Variants in PIPOX observed in about 807,000 individuals in gnomAD.
PIPOX encodes pipecolic acid and sarcosine oxidase.
Under a neutral mutation model 47.9 loss-of-function variants are expected in PIPOX, and 45 were observed. The observed-to-expected ratio is 0.94, with a 90% CI of 0.74 to 1.20. The LOEUF (loss-of-function observed/expected upper bound fraction) is 1.20. PIPOX is among the 50% of genes most tolerant of loss of function. The pLI is 0.00. For synonymous variants in PIPOX, 165 were observed against 191.3 expected (o/e 0.86, Z 1.13); for missense variants, 458 against 498.4 (o/e 0.92, Z 0.77).
chr17:29,053,243 C>A (rs1329338045), intron 3 of PIPOX, 110 bp downstream of exon 3: 1 of 1,267,062 alleles, frequency 7.9e-7, no homozygotes, highest in Non-Finnish European at 1.1e-6. Flanking sequence ...GCCCTGCAGG[C>A]TTTAGTCTTG....
rs372777812 is a variant in PIPOX, at chr17:29,055,232, T to C, written c.966+11T>C. ...AGCTGCATGTACACGGTAAGGGGTC[T>C]GGGCAGCCTTGCTGGGCCCCCTCAC... is the stretch of plus-strand genomic sequence containing the variant. On this transcript the variant is annotated intron_variant, in intron 6 of 7. Coordinates refer to ENST00000323372, the MANE Select transcript of PIPOX (RefSeq NM_016518.3). 8.8e-5 allele frequency: 142 copies of C among 1,613,902 alleles called. No homozygotes were observed. Among genetic ancestry groups the C allele is most frequent in the Admixed American group, 3.7e-4 (22 of 59,990 alleles).
chr17:29,052,734 A>T (rs1266342931), intron 2 of PIPOX, among the ~76,000 whole-genome samples, 186 bp from the exon 3 acceptor site: 1 of 152,172 alleles, frequency 6.6e-6, no homozygotes, highest in Non-Finnish European at 1.5e-5. Flanking sequence ...TACTTTTTAA[A>T]AATTTTTTAC....
intron 1 of PIPOX, chr17:29,044,390 C>T (rs535527538): frequency 6.6e-6 from 1 of 152,594 alleles, no homozygotes; most frequent in South Asian, 2.1e-4. Flanking sequence ...AAAAAGGAAG[C>T]CTAAGTTAGT....
chr17:29,051,507 C>A (rs941457266), intron 2 of PIPOX, among the ~76,000 whole-genome samples: 2 of 152,194 alleles, frequency 1.3e-5, no homozygotes, highest in Non-Finnish European at 2.9e-5. Flanking sequence ...GGGGATGTAC[C>A]AGGCCGCTGC....
In PIPOX at chr17:29,053,339, G is replaced by A. The variant is rs1230070018; in HGVS notation, c.478-74G>A. 4.1e-6 allele frequency: 6 copies of A among 1,480,236 alleles called. No individual in the cohort carries two copies. The East Asian group carries it at 1.4e-4, about 34-fold the overall frequency. The allele number at this position is 1,480,236 out of a possible 1,614,324, so 91.7% of individuals were successfully genotyped here. Reference sequence around the variant, plus strand: ...GATTCTGCACTCTTTTCTGCCCCAGGCAAAAGGCTTTCTGTCCACCAGGGT... The same window carrying A: ...GATTCTGCACTCTTTTCTGCCCCAGACAAAAGGCTTTCTGTCCACCAGGGT... On this transcript the variant is annotated intron_variant, in intron 3 of 7. Transcript: ENST00000323372.
chr17:29,053,629 C>G, intron 4 of PIPOX, 34 bp downstream of exon 4: 2 of 1,510,680 alleles, frequency 1.3e-6, no homozygotes, highest in Non-Finnish European at 1.8e-6. Flanking sequence ...AGTTGGTGCT[C>G]AAGAGAAGCC....
At chr17:29,046,231 G>A (rs1205121270) in intron 2 of PIPOX, among the ~76,000 whole-genome samples, 2 of 152,200 alleles carry the variant, frequency 1.3e-5, no homozygotes, top group African/African-American at 2.4e-5. Context: ...TGGGTGGCCC[G>A]GCAGAGGGAC....
intron 2 of PIPOX, among the ~76,000 whole-genome samples, chr17:29,050,569 G>A (rs933719280): frequency 5.9e-5 from 9 of 152,232 alleles, no homozygotes; most frequent in Admixed American, 1.3e-4. Flanking sequence ...GGTGGCTCAC[G>A]CCTGTAGTCT....
Position 29,053,063 on chromosome 17 carries a change from G to A in PIPOX, c.407G>A (p.Arg136Lys). 3 of 1,614,244 alleles carry A rather than the reference G, an allele frequency of 1.9e-6. No individual in the cohort carries two copies. The highest frequency in any genetic ancestry group is 2.5e-6 in the Non-Finnish European group (3 of 1,180,046). ...KQRFPNIRLP[R>K]GEVGLLDNSG... ...CGTTTCCCAAATATTCGGTTGCCCA[G>A]GGGAGAAGTGGGGCTCTTGGACAAT... Residue 136 changes from arginine to lysine, a missense_variant, in exon 3 of 8, where the codon AGG becomes AAG. By Grantham distance (26) the Arg-to-Lys change is conservative. Transcript: ENST00000323372.
intron 6 of PIPOX, 78 bp from the exon 7 acceptor site, chr17:29,055,735 C>A: frequency 1.7e-6 from 2 of 1,195,292 alleles, no homozygotes; most frequent in Non-Finnish European, 2.5e-6. Context: ...TCCAGCCCAT[C>A]CCCTTCCAGT....
Position 29,053,579 on chromosome 17 carries a change from T to C in PIPOX, c.644T>C (p.Ile215Thr), listed in dbSNP as rs2065815711. ...AACCAGCTCCTCCGTCCCCTGGGCA[T>C]TGAGATGCCTCTCCAGGTAAGAGGA... ...WTNQLLRPLG[I>T]EMPLQTLRIN... is the part of the protein sequence containing the mutation. Residue 215 changes from isoleucine to threonine, a missense_variant, in exon 4 of 8, where the codon ATT (isoleucine) becomes ACT (threonine). Coordinates refer to ENST00000323372, the MANE Select transcript of PIPOX (RefSeq NM_016518.3). The C allele has an allele frequency of 1.3e-6, 2 of 1,592,546 alleles. No individual in the cohort carries two copies. The highest frequency in any genetic ancestry group is 1.7e-6 in the Non-Finnish European group (2 of 1,164,296).
At chr17:29,055,015 T>C (rs752858077) in intron 5 of PIPOX, 48 bp from the exon 6 acceptor site, 6 of 1,610,504 alleles carry the variant, frequency 3.7e-6, no homozygotes, top group Non-Finnish European at 5.1e-6. Context: ...TGTGGGTGTG[T>C]GTGGAAGGCC....
At chr17:29,053,376 A>G in intron 3 of PIPOX, 37 bp from the exon 4 acceptor site, 1 of 1,583,214 alleles carries the variant, frequency 6.3e-7, no homozygotes, top group Non-Finnish European at 8.6e-7. Context: ...AACCACATAC[A>G]GAACTAATTC....
Position 29,055,871 on chromosome 17 carries a change from T to C in PIPOX, c.1025T>C (p.Ile342Thr). Residue 342 changes from isoleucine (I) to threonine (T), a missense_variant, in exon 7 of 8, where the codon ATT becomes ACT. Physicochemically the swap from Ile to Thr is moderately conservative, Grantham distance 89. Transcript: ENST00000323372. The part of the protein sequence containing the change: ...DRHPKYDNIV[I>T]GAGFSGHGFK... ...CACCCAAAGTATGACAACATTGTCATTGGTGCTGGATTCTCTGGTGAGTCT... is the reference window on the plus strand; with the variant it reads ...CACCCAAAGTATGACAACATTGTCACTGGTGCTGGATTCTCTGGTGAGTCT... 1.9e-6 allele frequency: 3 copies of C among 1,613,940 alleles called. No individual in the cohort carries two copies. The highest frequency in any genetic ancestry group is 2.2e-5 in the South Asian group (2 of 91,078).
intron 2 of PIPOX, chr17:29,051,836 G>T: frequency 2.3e-6 from 1 of 426,940 alleles, no homozygotes. Context: ...GTAGCATCCC[G>T]GGCCCCTGCC....
At chr17:29,044,810 A>C (rs752229915) in intron 1 of PIPOX, 49 bp from the exon 2 acceptor site, 79 of 1,560,258 alleles carry the variant, frequency 5.1e-5, no homozygotes, top group Non-Finnish European at 6.6e-5. Context: ...CAGGGGATGC[A>C]GTGTGAGGGG....
At chr17:29,049,617 G>A (rs936879452) in intron 2 of PIPOX, among the ~76,000 whole-genome samples, 14 of 152,162 alleles carry the variant, frequency 9.2e-5, no homozygotes, top group Middle Eastern at 3.4e-3. Context: ...TTTCCCATAG[G>A]AGCCTCTCAC....
intron 1 of PIPOX, among the ~76,000 whole-genome samples, 161 bp from the exon 2 acceptor site, chr17:29,044,698 G>T (rs2065778202): frequency 1.3e-5 from 2 of 152,140 alleles, no homozygotes; most frequent in South Asian, 4.1e-4. Context: ...GAATTCCTGG[G>T]CTCAAATTAT....
chr17:29,055,008 G>A, intron 5 of PIPOX, 55 bp from the exon 6 acceptor site: 1 of 1,605,704 alleles, frequency 6.2e-7, no homozygotes, highest in Middle Eastern at 1.8e-4. Flanking sequence ...CTTCGGCTGT[G>A]GGTGTGTGTG....
Sources: gnomAD v4.1 joint callset for allele counts (sites outside exome capture counted in the v4.1 genomes callset) on GRCh38, gnomAD v4.1.1 for gene constraint, MANE v1.5 for transcripts, NCBI Gene and HGNC (gene_info 2026-07-23, HGNC 2026-07-21) for gene names.